Variants in CACNA1C observed in about 807,000 individuals in gnomAD.
The protein encoded by CACNA1C is calcium voltage-gated channel subunit alpha1 C, also known as voltage-dependent L-type calcium channel subunit alpha-1C.
CACNA1C carries 30 observed loss-of-function variants against 229.0 expected under a neutral mutation model. The observed-to-expected ratio is 0.13, with a 90% CI of 0.10 to 0.18. The LOEUF is 0.18. CACNA1C is among the 10% of genes least tolerant of loss of function. The pLI is 1.00. For synonymous variants in CACNA1C, 1,114 were observed against 1,132.5 expected, an observed-to-expected ratio of 0.98 and a Z score of 0.33; for missense variants, 1,658 against 2,845.0, an observed-to-expected ratio of 0.58 and a Z score of 9.49.
rs890256100 is a variant in CACNA1C, at chr12:2,566,595, C to A, written c.1669+13C>A. 2 of 1,584,580 alleles carry A rather than the reference C, an allele frequency of 1.3e-6. No homozygotes were observed. The highest frequency in any genetic ancestry group is 3.5e-5 in the Admixed American group (2 of 57,148). ...ACAGAAGTCCAAGGTGAGCGGCGGC[C>A]CCAGCTCTGCTCTGGTTTCCTCCTG... On this transcript the variant is annotated intron_variant, in intron 12 of 46. Transcript: ENST00000399655. This position sits in a 1 kb window ranked among gnomAD's most constrained non-coding sequence, Gnocchi z 4.0.
At chr12:2,168,273 T>C (rs539361318) in intron 3 of CACNA1C, among the ~76,000 whole-genome samples, 92 of 152,326 alleles carry the variant, frequency 6.0e-4, no homozygotes, top group African/African-American at 2.1e-3. Context: ...GGCATCTGTA[T>C]GAAGGATGAA....
chr12:2,489,619 C>A (rs1383334900), intron 6 of CACNA1C, among the ~76,000 whole-genome samples: 1 of 152,166 alleles, frequency 6.6e-6, no homozygotes, highest in African/African-American at 2.4e-5. Flanking sequence ...TTGGCTAAAA[C>A]CTAGAAATGA....
intron 3 of CACNA1C, among the ~76,000 whole-genome samples, chr12:2,413,675 G>A (rs890234309): frequency 4.6e-5 from 7 of 152,070 alleles, no homozygotes; most frequent in South Asian, 4.1e-4. Flanking sequence ...AAGTCCCGCC[G>A]TCCCTCCATA....
chr12:2,218,694 A>G (rs115462965), intron 3 of CACNA1C, among the ~76,000 whole-genome samples: 33 of 152,320 alleles, frequency 2.2e-4, no homozygotes, highest in African/African-American at 7.7e-4. Context: ...GAAACATTTG[A>G]TGTCCGGGCT....
rs1218690646 is a variant in CACNA1C, at chr12:2,063,200, G to T, written c.49+9589G>T. 1.3e-4 allele frequency among the ~76,000 whole-genome samples: 19 copies of T among 143,764 alleles called. 1 individual carries two copies. Among genetic ancestry groups the T allele is most frequent in the Admixed American group, 1.1e-3 (16 of 14,370 alleles). 94.3% of individuals were successfully genotyped at this position (143,764 alleles called of 152,430 possible). ...TGTAGTCTCGCTCTGTCACCAGGCT[G>T]GAGTGCAGTGGTACGATCTCGTCTC... On this transcript the variant is annotated intron_variant, in intron 1 of 46. Transcript: ENST00000399655.
At chr12:2,260,496 G>C (rs1475976536) in intron 3 of CACNA1C, among the ~76,000 whole-genome samples, 2 of 135,088 alleles carry the variant, frequency 1.5e-5, no homozygotes, top group South Asian at 4.9e-4. Context: ...AAAAAAAAAA[G>C]AACAAGAAGA....
intron 8 of CACNA1C, among the ~76,000 whole-genome samples, chr12:2,510,199 C>G (rs765339966): frequency 6.6e-6 from 1 of 152,320 alleles, no homozygotes; most frequent in Non-Finnish European, 1.5e-5. Context: ...TGCAGACTGT[C>G]AGGCTGGGGC....
Position 2,595,779 on chromosome 12 carries a change from T to C in CACNA1C, c.2664-95T>C, listed in dbSNP as rs899568075. On this transcript the variant is annotated intron_variant, in intron 19 of 46. Coordinates refer to ENST00000399655, the MANE Select transcript of CACNA1C (RefSeq NM_000719.7). This position sits in a 1 kb window ranked among gnomAD's most constrained non-coding sequence, Gnocchi z 4.1. ...CCAACAAGCACCTGTTGCCAGCTGC[T>C]GGGGAGAGCTGAGGAGAGGGGCTCC... The C allele has an allele frequency of 2.4e-5, 29 of 1,211,018 alleles. No individual in the cohort carries two copies. In the African/African-American group the frequency reaches 4.4e-4, roughly 18 times the overall value. 75.0% of individuals were successfully genotyped at this position (1,211,018 alleles called of 1,614,324 possible). A position where few individuals can be genotyped will look rare whatever the true frequency, so the allele number is the denominator to read the frequency against.
intron 3 of CACNA1C, among the ~76,000 whole-genome samples, chr12:2,209,489 C>G (rs1210438088): frequency 6.6e-6 from 1 of 152,184 alleles, no homozygotes; most frequent in Non-Finnish European, 1.5e-5. Flanking sequence ...CGTGGCTGCT[C>G]TGTAGCTGGG....
At position 2,493,598 on chromosome 12, in the gene CACNA1C, C is replaced by T. The variant is rs2099740716; in HGVS notation, c.1113+212C>T. The stretch of plus-strand genomic sequence containing the variant: ...CTAACGAGTCCCCTCCCCCACCCGC[C>T]AGCCTTAGGGGAAGGTCATTTTTCC... On this transcript the variant is annotated intron_variant, in intron 7 of 46. Transcript: ENST00000399655. The surrounding 1 kb of genome is among the most constrained non-coding windows in gnomAD (Gnocchi z 4.6). 6.6e-6 allele frequency among the ~76,000 whole-genome samples: 1 copy of T among 152,162 alleles called. No individual in the cohort carries two copies. The highest frequency in any genetic ancestry group is 2.4e-5 in the African/African-American group (1 of 41,434).
chr12:2,278,582 A>T (rs1226925322), intron 3 of CACNA1C, among the ~76,000 whole-genome samples: 1 of 152,206 alleles, frequency 6.6e-6, no homozygotes, highest in Non-Finnish European at 1.5e-5. Flanking sequence ...CTGATAGCTT[A>T]TTCCTTTTTA....
chr12:2,556,706 A>G (rs2044485299), intron 10 of CACNA1C, among the ~76,000 whole-genome samples: 1 of 151,618 alleles, frequency 6.6e-6, no homozygotes, highest in African/African-American at 2.4e-5. Context: ...AGGACCTGCT[A>G]CTCTCCCTCT....
intron 9 of CACNA1C, among the ~76,000 whole-genome samples, chr12:2,517,539 G>T (rs912032782): frequency 6.6e-6 from 1 of 152,262 alleles, no homozygotes; most frequent in Admixed American, 6.5e-5. Flanking sequence ...GCATGTTTAT[G>T]TACTGTTGCC....
chr12:2,607,367 A>G, intron 26 of CACNA1C: 2 of 483,616 alleles, frequency 4.1e-6, no homozygotes, highest in Non-Finnish European at 7.3e-6. Context: ...ACCTTTTTTT[A>G]GCCCTCTTTC....
chr12:2,399,230 G>A (rs2098640479), intron 3 of CACNA1C, among the ~76,000 whole-genome samples: 3 of 152,168 alleles, frequency 2.0e-5, no homozygotes, highest in Admixed American at 2.0e-4. Flanking sequence ...CTCAGAGGGT[G>A]TGAGTTACAA....
At chr12:2,368,278 G>C (rs1024892729) in intron 3 of CACNA1C, among the ~76,000 whole-genome samples, 2 of 152,204 alleles carry the variant, frequency 1.3e-5, no homozygotes, top group East Asian at 3.8e-4. Context: ...TAGAACCATT[G>C]CCAGTCAGCG....
chr12:2,114,397 C>A (rs1327541535), intron 1 of CACNA1C, among the ~76,000 whole-genome samples: 3 of 152,100 alleles, frequency 2.0e-5, no homozygotes, highest in African/African-American at 7.2e-5. Context: ...TTAACCTATC[C>A]TTGGAAGTCA....
At chr12:2,510,600 A>G (rs2099781519) in intron 8 of CACNA1C, among the ~76,000 whole-genome samples, 1 of 152,198 alleles carries the variant, frequency 6.6e-6, no homozygotes, top group South Asian at 2.1e-4. Context: ...GGATTGGGCC[A>G]ATTGTCCCTA....
intron 3 of CACNA1C, among the ~76,000 whole-genome samples, chr12:2,256,498 C>G (rs2077910043): frequency 6.6e-6 from 1 of 152,144 alleles, no homozygotes; most frequent in African/African-American, 2.4e-5. Flanking sequence ...TAGCTTCATG[C>G]TGTTTGGAAA....
Sources: allele counts gnomAD v4.1 joint callset (sites outside exome capture counted in the v4.1 genomes callset), GRCh38; gene constraint gnomAD v4.1.1; non-coding constraint Gnocchi (gnomAD v3.1); transcripts MANE v1.5; gene names NCBI Gene and HGNC (gene_info 2026-07-23, HGNC 2026-07-21).